RBPMS: variants seen among roughly 807,000 people sequenced by gnomAD.
RBPMS encodes the protein RNA binding protein, mRNA processing factor, also known as RNA-binding protein with multiple splicing.
A neutral mutation model predicts 26.8 loss-of-function variants in RBPMS; 7 were observed. The observed-to-expected ratio is 0.26, with a 90% CI of 0.15 to 0.49. The LOEUF (loss-of-function observed/expected upper bound fraction) is 0.49, where lower values mean the gene tolerates loss of function less well. Among genes scored for constraint, RBPMS ranks in the 20% least tolerant of loss-of-function variants. The pLI, the probability that RBPMS is intolerant of heterozygous loss-of-function variation, is 0.98. For missense variants in RBPMS, 186 were observed against 250.0 expected, an observed-to-expected ratio of 0.74 and a Z score of 1.73; for synonymous variants, 96 against 93.3, an observed-to-expected ratio of 1.03 and a Z score of -0.17.
intron 8 of RBPMS, among the ~76,000 whole-genome samples, chr8:30,568,010 G>A (rs1828014789): frequency 6.6e-6 from 1 of 152,152 alleles, no homozygotes; most frequent in South Asian, 2.1e-4. Context: ...TTCTCCATGG[G>A]CCCCCAGGGC....
chr8:30,507,675 A>G (rs910523720), intron 5 of RBPMS, among the ~76,000 whole-genome samples: 1 of 150,308 alleles, frequency 6.7e-6, no homozygotes, highest in Non-Finnish European at 1.5e-5. Context: ...GCGGGAGTTA[A>G]GAGATGAGGA....
intron 1 of RBPMS, among the ~76,000 whole-genome samples, chr8:30,386,000 G>T (rs1190442302): frequency 6.6e-6 from 1 of 152,182 alleles, no homozygotes; most frequent in Non-Finnish European, 1.5e-5. Context: ...CCTACCAAAT[G>T]ACTCTTTTTG....
At chr8:30,467,597 T>C (rs1050050214) in intron 1 of RBPMS, among the ~76,000 whole-genome samples, 23 of 152,328 alleles carry the variant, frequency 1.5e-4, no homozygotes, top group Non-Finnish European at 2.4e-4. Context: ...CCAGGATGTT[T>C]CTGCTCCTGG....
chr8:30,431,416 C>A (rs1444984611), intron 1 of RBPMS, among the ~76,000 whole-genome samples: 1 of 132,200 alleles, frequency 7.6e-6, no homozygotes, highest in Non-Finnish European at 1.6e-5. Context: ...CTTTCTTTTT[C>A]TCTTCTCTCT....
chr8:30,530,975 G>C (rs1176045038), intron 5 of RBPMS, among the ~76,000 whole-genome samples: 1 of 151,744 alleles, frequency 6.6e-6, no homozygotes, highest in African/African-American at 2.4e-5. Flanking sequence ...ATAAGTATGG[G>C]CTTGTATTAT....
At chr8:30,392,066 T>C (rs1269218604) in intron 1 of RBPMS, among the ~76,000 whole-genome samples, 1 of 151,990 alleles carries the variant, frequency 6.6e-6, no homozygotes, top group Non-Finnish European at 1.5e-5. Flanking sequence ...GAGAGGCAGT[T>C]CCTGTCTTAA....
intron 4 of RBPMS, among the ~76,000 whole-genome samples, chr8:30,495,237 T>G (rs1469844724): frequency 6.6e-6 from 1 of 152,210 alleles, no homozygotes; most frequent in East Asian, 1.9e-4. Context: ...GATAAAATTT[T>G]ATTGCGTTTT....
chr8:30,498,997 A>G (rs1372059495), intron 4 of RBPMS, among the ~76,000 whole-genome samples: 1 of 152,240 alleles, frequency 6.6e-6, no homozygotes, highest in East Asian at 1.9e-4. Context: ...GAACAGCAAA[A>G]TAAATAATGA....
chr8:30,390,183 A>G (rs1438283807), intron 1 of RBPMS, among the ~76,000 whole-genome samples: 1 of 152,228 alleles, frequency 6.6e-6, no homozygotes, highest in African/African-American at 2.4e-5. Context: ...CCATGTGAAC[A>G]AAAAGAATTA....
intron 1 of RBPMS, among the ~76,000 whole-genome samples, chr8:30,431,137 T>C (rs1338527815): frequency 6.6e-6 from 1 of 152,164 alleles, no homozygotes; most frequent in Non-Finnish European, 1.5e-5. Flanking sequence ...ATTCTACATA[T>C]ACTGGGGAGC....
chr8:30,517,375 G>C (rs935708613), intron 5 of RBPMS, among the ~76,000 whole-genome samples: 15 of 152,132 alleles, frequency 9.9e-5, no homozygotes, highest in Non-Finnish European at 1.2e-4. Context: ...TTCATTCTGT[G>C]CTTCGTGTAG....
At chr8:30,420,301 G>C (rs957496074) in intron 1 of RBPMS, among the ~76,000 whole-genome samples, 1 of 151,602 alleles carries the variant, frequency 6.6e-6, no homozygotes, top group Non-Finnish European at 1.5e-5. Context: ...ATATTGTAAA[G>C]TCTCTTTTCT....
At chr8:30,409,845 C>T (rs3116009) in intron 1 of RBPMS, among the ~76,000 whole-genome samples, 1 of 151,728 alleles carries the variant, frequency 6.6e-6, no homozygotes, top group African/African-American at 2.4e-5. Flanking sequence ...GTTGGCCAGG[C>T]TGGTCTCGAT....
chr8:30,426,726 G>A (rs1811398849), intron 1 of RBPMS, among the ~76,000 whole-genome samples: 1 of 150,002 alleles, frequency 6.7e-6, no homozygotes, highest in Non-Finnish European at 1.5e-5. Context: ...TTCTCCAGGT[G>A]GTAGAGGTTG....
intron 1 of RBPMS, among the ~76,000 whole-genome samples, chr8:30,447,833 T>G (rs1423840496): frequency 6.6e-6 from 1 of 152,206 alleles, no homozygotes; most frequent in African/African-American, 2.4e-5. Context: ...ATTTTAAAAA[T>G]GATACGTAGT....
At chr8:30,543,534 T>C (rs1429708039) in intron 5 of RBPMS, among the ~76,000 whole-genome samples, 1 of 152,238 alleles carries the variant, frequency 6.6e-6, no homozygotes, top group East Asian at 1.9e-4. Flanking sequence ...GATAGCGTCC[T>C]TGGCACACTT....
At chr8:30,459,073 C>G (rs555983756) in intron 1 of RBPMS, among the ~76,000 whole-genome samples, 1 of 151,646 alleles carries the variant, frequency 6.6e-6, no homozygotes, top group Non-Finnish European at 1.5e-5. Flanking sequence ...AAGCGATTCT[C>G]GTGCCTCAGC....
chr8:30,567,195 C>T (rs1337937459), intron 8 of RBPMS, among the ~76,000 whole-genome samples: 1 of 152,206 alleles, frequency 6.6e-6, no homozygotes, highest in Non-Finnish European at 1.5e-5. Context: ...GAACAAGATT[C>T]CTGCTACAGA....
At chr8:30,556,906 C>T (rs1480422263) in intron 6 of RBPMS, 5 of 334,524 alleles carry the variant, frequency 1.5e-5, no homozygotes, top group Non-Finnish European at 1.3e-5. Context: ...CCACTCTTGC[C>T]CTCCTTCTTT....
Sources: allele counts gnomAD v4.1 joint callset (sites outside exome capture counted in the v4.1 genomes callset), GRCh38; gene constraint gnomAD v4.1.1; transcripts MANE v1.5; gene names NCBI Gene and HGNC (gene_info 2026-07-23, HGNC 2026-07-21).